NBPF15: variants seen among roughly 807,000 people sequenced by gnomAD.
NBPF15 encodes NBPF member 15.
A neutral mutation model predicts 62.2 loss-of-function variants in NBPF15; 74 were observed. That is an observed-to-expected ratio of 1.19 (90% CI 0.99 to 1.44). NBPF15 has a LOEUF of 1.44. NBPF15 is among the 40% of genes most tolerant of loss of function. The probability of loss-of-function intolerance (pLI) is 0.00; values close to 1 mark genes in which losing one functional copy is unlikely to be tolerated. For missense variants in NBPF15, 790 were observed against 550.0 expected, an observed-to-expected ratio of 1.44 and a Z score of -4.36; for synonymous variants, 244 against 209.7, an observed-to-expected ratio of 1.16 and a Z score of -1.41.
intron 6 of NBPF15, among the ~76,000 whole-genome samples, chr1:144,445,903 C>T (rs1412445718): frequency 1.4e-5 from 2 of 138,532 alleles, no homozygotes; most frequent in South Asian, 2.3e-4. Context: ...GTTACCCAGG[C>T]TGGAGTGCAG....
chr1:144,426,998 T>C lies in NBPF15; in HGVS notation c.1265+49A>G. 9.3e-6 allele frequency: 7 copies of C among 755,468 alleles called. 1 individual carries two copies. In the South Asian group the frequency reaches 9.6e-5, roughly 10 times the overall value. The allele number at this position is 755,468 out of a possible 1,614,324, so 46.8% of individuals were successfully genotyped here. A position where few individuals can be genotyped will look rare whatever the true frequency, so the allele number is the denominator to read the frequency against. On this transcript the variant is annotated intron_variant, in intron 17 of 21. Coordinates refer to ENST00000581897, the MANE Select transcript of NBPF15 (RefSeq NM_001385408.1). ...ACTCTTGTTTTCCCTGGACCTGGCA[T>C]CTCCAGGTGTCAACACACAATTAAG... is the stretch of plus-strand genomic sequence containing the variant.
intron 6 of NBPF15, among the ~76,000 whole-genome samples, chr1:144,445,908 G>C (rs1167158585): frequency 7.1e-6 from 1 of 141,012 alleles, no homozygotes; most frequent in East Asian, 2.0e-4. Context: ...CCAGGCTGGA[G>C]TGCAGTGATG....
Position 144,423,084 on chromosome 1 carries a change from T to C in NBPF15, c.1942A>G (p.Asn648Asp). ...GTCACCGTCAAAGTAAAAAACCTAT[T>C]GTCCACGTAAAGGGCGAAGCTGATA... ...EHISFALYVD[N>D]RFFTLTVTSL... The change falls in exon 22 of 22, where the codon AAT (asparagine) becomes GAT (aspartate). Residue 648 changes from asparagine to aspartate, a missense_variant. Coordinates refer to ENST00000581897, the MANE Select transcript of NBPF15 (RefSeq NM_001385408.1). The C allele has an allele frequency of 6.2e-7, 1 of 1,611,632 alleles. No individual in the cohort carries two copies. Among genetic ancestry groups the C allele is most frequent in the Non-Finnish European group, 8.5e-7 (1 of 1,179,624 alleles).
intron 6 of NBPF15, among the ~76,000 whole-genome samples, chr1:144,446,356 A>G (rs1452603948): frequency 8.8e-3 from 1,277 of 144,574 alleles, no homozygotes; most frequent in African/African-American, 0.036. Context: ...GTTAACAAAC[A>G]CAGTCATTAT....
At chr1:144,456,181 T>G in intron 4 of NBPF15, among the ~76,000 whole-genome samples, 2 of 133,656 alleles carry the variant, frequency 1.5e-5, no homozygotes, top group Non-Finnish European at 3.2e-5. Flanking sequence ...AGAAAGCAGG[T>G]GAAAGGGGAC....
chr1:144,459,039 G>GA lies in NBPF15; in HGVS notation c.-701+326dup, dbSNP rs1224176784. 6.4e-3 allele frequency among the ~76,000 whole-genome samples: 876 copies of GA among 135,974 alleles called. 6 individuals are homozygous for GA. The highest frequency in any genetic ancestry group is 0.016 in the South Asian group (69 of 4,242). The allele number at this position is 135,974 out of a possible 152,430, so 89.2% of individuals were successfully genotyped here. On this transcript the variant is annotated intron_variant, in intron 3 of 21. Transcript: ENST00000581897. Reference sequence around the variant, plus strand: ...TGGGCAATAGAGTGAGGCCCTGTCTGAAAAAAAAAAAGAAATGCAAAAACT... The same window carrying GA: ...TGGGCAATAGAGTGAGGCCCTGTCTGAAAAAAAAAAAAGAAATGCAAAAACT...
intron 6 of NBPF15, among the ~76,000 whole-genome samples, chr1:144,442,319 A>ATATATATATATACACGTGTATATATTC: frequency 7.6e-6 from 1 of 131,244 alleles, no homozygotes; most frequent in African/African-American, 2.8e-5. Flanking sequence ...TGTATATATT[A>ATATATATATATACACGTGTATATATTC]TATATATATA....
chr1:144,458,073 C>G (rs1368862360), intron 3 of NBPF15, among the ~76,000 whole-genome samples: 1 of 150,238 alleles, frequency 6.7e-6, no homozygotes, highest in Non-Finnish European at 1.5e-5. Flanking sequence ...GGCAACAGAG[C>G]GAGACACTGT....
intron 8 of NBPF15, among the ~76,000 whole-genome samples, chr1:144,439,628 C>T (rs78400815): frequency 2.6e-5 from 4 of 152,044 alleles, no homozygotes; most frequent in African/African-American, 4.8e-5. Context: ...CCCACCCCCA[C>T]CTGATTGCAA....
intron 8 of NBPF15, among the ~76,000 whole-genome samples, chr1:144,438,484 G>A (rs1680337926): frequency 6.6e-6 from 1 of 151,948 alleles, no homozygotes; most frequent in South Asian, 2.1e-4. Context: ...TCAAGGACAA[G>A]TATGTGAAAG....
intron 14 of NBPF15, among the ~76,000 whole-genome samples, chr1:144,428,923 A>AT (rs1386546288): frequency 3.9e-4 from 60 of 152,114 alleles, no homozygotes; most frequent in Admixed American, 2.4e-3. Flanking sequence ...CAAATGAGCA[A>AT]TTTTTTCCCC....
chr1:144,451,319 A>G (rs1198315933), intron 4 of NBPF15, among the ~76,000 whole-genome samples: 3 of 151,924 alleles, frequency 2.0e-5, no homozygotes, highest in African/African-American at 4.8e-5. Flanking sequence ...GATGGGATAT[A>G]CAATCGGGCT....
intron 5 of NBPF15, among the ~76,000 whole-genome samples, chr1:144,449,675 G>T (rs1553545028): frequency 6.6e-6 from 1 of 151,866 alleles, no homozygotes; most frequent in South Asian, 2.1e-4. Flanking sequence ...TCAGTCCCAG[G>T]CTGTGGATCC....
In NBPF15 at chr1:144,422,751, C is replaced by T. The variant is rs1281546969; in HGVS notation, c.*262G>A. The T allele has an allele frequency of 4.8e-5, 36 of 757,824 alleles. 1 individual carries two copies. The highest frequency in any genetic ancestry group is 2.4e-4 in the African/African-American group (13 of 55,142). 46.9% of individuals were successfully genotyped at this position (757,824 alleles called of 1,614,324 possible). The stretch of plus-strand genomic sequence containing the variant: ...GGAATTTTGTAGCTACCCAGAGATA[C>T]GTGGTTCAAATTAAAATGTCTGACT... On this transcript the variant is annotated 3_prime_UTR_variant, in exon 22 of 22. Transcript: ENST00000581897.
intron 6 of NBPF15, among the ~76,000 whole-genome samples, chr1:144,442,380 A>G (rs1432327867): frequency 7.1e-6 from 1 of 140,328 alleles, no homozygotes; most frequent in East Asian, 2.0e-4. Context: ...ATACATGTAT[A>G]TATATTATAC....
intron 10 of NBPF15, among the ~76,000 whole-genome samples, 153 bp downstream of exon 10, chr1:144,436,742 C>G (rs1167732566): frequency 6.6e-6 from 1 of 152,042 alleles, no homozygotes. Context: ...TTTCCCATCT[C>G]CGTTCTTACC....
Position 144,426,458 on chromosome 1 carries a change from A to C in NBPF15, c.1266-8T>G, listed in dbSNP as rs1421814910. The C allele has an allele frequency of 2.5e-6, 2 of 803,546 alleles. No individual in the cohort carries two copies. The highest frequency in any genetic ancestry group is 1.3e-5 in the South Asian group (1 of 74,186). The allele number at this position is 803,546 out of a possible 1,614,324, so 49.8% of individuals were successfully genotyped here. ...AGCAGCTCCCTGCTGAGCCTGGAAA[A>C]GTAGGAAAAAGTAAAGAATAAGCCA... On this transcript the variant is annotated splice_polypyrimidine_tract_variant and splice_region_variant and intron_variant, in intron 17 of 21. Transcript: ENST00000581897.
At chr1:144,426,628 G>A (rs1171227025) in intron 17 of NBPF15, among the ~76,000 whole-genome samples, 178 bp from the exon 18 acceptor site, 6 of 150,322 alleles carry the variant, frequency 4.0e-5, no homozygotes, top group South Asian at 4.2e-4. Flanking sequence ...AGAAAAGAAT[G>A]AAAGAGAAAG....
rs587711461 is a variant in NBPF15, at chr1:144,458,934, A to G, written c.-701+432T>C. On this transcript the variant is annotated intron_variant, in intron 3 of 21. Transcript: ENST00000581897. ...CACACTCCTATAGTCGCAGCTACTC[A>G]GGAGGCTGAGGTGGGAGGATCGCTT... 3.0e-3 allele frequency among the ~76,000 whole-genome samples: 449 copies of G among 151,816 alleles called. 5 individuals are homozygous for G. Among genetic ancestry groups the G allele is most frequent in the African/African-American group, 0.01 (424 of 41,404 alleles).
Sources: allele counts gnomAD v4.1 joint callset (sites outside exome capture counted in the v4.1 genomes callset), GRCh38; gene constraint gnomAD v4.1.1; transcripts MANE v1.5; gene names NCBI Gene and HGNC (gene_info 2026-07-23, HGNC 2026-07-21).